Variants in CYBRD1 observed in about 807,000 individuals in gnomAD.
CYBRD1 encodes plasma membrane ascorbate-dependent reductase CYBRD1.
Under a neutral mutation model 21.9 loss-of-function variants are expected in CYBRD1, and 14 were observed. The ratio of observed to expected loss-of-function variants is 0.64; its 90% CI spans 0.42 to 1.00. The LOEUF (loss-of-function observed/expected upper bound fraction) is 1.00, where lower values mean the gene tolerates loss of function less well. CYBRD1 is among the 50% of genes least tolerant of loss of function. CYBRD1 has a pLI of 0.00. For synonymous variants in CYBRD1, 146 were observed against 136.5 expected (o/e 1.07, Z -0.48); for missense variants, 328 against 352.5 (o/e 0.93, Z 0.56).
chr2:171,555,790 C>G lies in CYBRD1; in HGVS notation c.*963C>G, dbSNP rs1683475049. 1 of 152,184 alleles carries G rather than the reference C, an allele frequency of 6.6e-6. No individual in the cohort carries two copies. Among genetic ancestry groups the G allele is most frequent in the African/African-American group, 2.4e-5 (1 of 41,430 alleles). The allele number at this position is 152,184 out of a possible 1,614,324, so 9.4% of individuals were successfully genotyped here. On this transcript the variant is annotated 3_prime_UTR_variant, in exon 4 of 4. Transcript: ENST00000321348. ...CATTTTACAGGTGAGAGATTTGAAG[C>G]CTGGGGAGGCTAGTAACTCACCCCA...
Position 171,553,510 on chromosome 2 carries a change from A to G in CYBRD1, c.557+10A>G. ...AACTGATTTTTTCCCTGTAAGTTGC[A>G]TAGTCTTCTTAATTGTAATACTTAA... On this transcript the variant is annotated intron_variant, in intron 3 of 3. Transcript: ENST00000321348. 1 of 1,610,010 alleles carries G rather than the reference A, an allele frequency of 6.2e-7. No individual in the cohort carries two copies. The highest frequency in any genetic ancestry group is 8.5e-7 in the Non-Finnish European group (1 of 1,177,658).
chr2:171,542,321 A>G (rs564308165), intron 2 of CYBRD1, among the ~76,000 whole-genome samples: 5 of 152,252 alleles, frequency 3.3e-5, no homozygotes, highest in African/African-American at 1.2e-4. Context: ...CTAAAAACCA[A>G]CTTATACTCT....
At position 171,539,572 on chromosome 2, in the gene CYBRD1, A is replaced by T. The variant is rs181825623; in HGVS notation, c.194-2013A>T. Among the ~76,000 whole-genome samples, 16 of 152,262 alleles carry T rather than the reference A, an allele frequency of 1.1e-4. No homozygotes were observed. In the East Asian group the frequency reaches 3.1e-3, roughly 29 times the overall value. On this transcript the variant is annotated intron_variant, in intron 1 of 3. Coordinates refer to ENST00000321348, the MANE Select transcript of CYBRD1 (RefSeq NM_024843.4). ...TTTTCAATCTGCCACACATTTCCAG[A>T]TATCTAAATTTTCCCTGACACAGAC... is the stretch of plus-strand genomic sequence containing the variant.
Position 171,533,990 on chromosome 2 carries a change from G to A in CYBRD1, c.194-7595G>A, listed in dbSNP as rs192383686. On this transcript the variant is annotated intron_variant, in intron 1 of 3. Coordinates refer to ENST00000321348, the MANE Select transcript of CYBRD1 (RefSeq NM_024843.4). Reference sequence around the variant, plus strand: ...CAAAGTTCTGGGATTACAGGCGTGAGCCACCACACCCAGCCGACATTTTCT... The same window carrying A: ...CAAAGTTCTGGGATTACAGGCGTGAACCACCACACCCAGCCGACATTTTCT... Among the ~76,000 whole-genome samples, 627 of 152,220 alleles carry A rather than the reference G, an allele frequency of 4.1e-3. 3 individuals are homozygous for A. Among genetic ancestry groups the A allele is most frequent in the Non-Finnish European group, 6.0e-3 (406 of 68,022 alleles).
chr2:171,522,383 G>A (rs3731976), upstream of CYBRD1: 606,227 of 1,492,180 alleles, frequency 0.41, 126,752 homozygotes, highest in East Asian at 0.72. The surrounding 1 kb of genome is among the most constrained non-coding windows in gnomAD (Gnocchi z 4.3). Context: ...CCACCCCCAA[G>A]AGGCCCCACA....
intron 2 of CYBRD1, among the ~76,000 whole-genome samples, chr2:171,545,052 T>C (rs1212282468): frequency 6.6e-6 from 1 of 151,316 alleles, no homozygotes; most frequent in Non-Finnish European, 1.5e-5. Flanking sequence ...GATAGGAGGA[T>C]TGCTTAAGCC....
chr2:171,541,100 G>T (rs1010990399), intron 1 of CYBRD1: 1 of 185,112 alleles, frequency 5.4e-6, no homozygotes, highest in African/African-American at 2.4e-5. Flanking sequence ...GAGACAACAG[G>T]CATAAATCAG....
In CYBRD1 at chr2:171,541,709, G is replaced by A. The variant is rs1382373887; in HGVS notation, c.318G>A (p.Glu106=). The part of the protein sequence containing the change: ...LAIISVVAVF[E]NHNVNNIANM... ...TTATCTCTGTGGTGGCCGTGTTTGA[G>A]AACCACAATGTTAACAATATAGCCA... The change falls in exon 2 of 4, where the codon GAG becomes GAA. Residue 106 remains glutamate, a synonymous_variant. Transcript: ENST00000321348. 1.2e-6 allele frequency: 2 copies of A among 1,613,112 alleles called. No individual in the cohort carries two copies. Among genetic ancestry groups the A allele is most frequent in the Non-Finnish European group, 1.7e-6 (2 of 1,179,862 alleles).
intron 2 of CYBRD1, chr2:171,550,981 G>C: frequency 8.8e-6 from 2 of 227,450 alleles, no homozygotes. Context: ...TTCTTAGACA[G>C]GGTCTCACTC....
Position 171,522,955 on chromosome 2 carries a change from C to G in CYBRD1, c.193+217C>G. 2 of 675,088 alleles carry G rather than the reference C, an allele frequency of 3.0e-6. No individual in the cohort carries two copies. Among genetic ancestry groups the G allele is most frequent in the Non-Finnish European group, 4.6e-6 (2 of 432,312 alleles). 41.8% of individuals were successfully genotyped at this position (675,088 alleles called of 1,614,324 possible). Reference sequence around the variant, plus strand: ...GAGCTGCGGTTCAGGAGGATCGCCGCGAGCGCGGGGCCGGGGGTGCGCGGT... The same window carrying G: ...GAGCTGCGGTTCAGGAGGATCGCCGGGAGCGCGGGGCCGGGGGTGCGCGGT... On this transcript the variant is annotated intron_variant, in intron 1 of 3. Coordinates refer to ENST00000321348, the MANE Select transcript of CYBRD1 (RefSeq NM_024843.4). The surrounding 1 kb of genome is among the most constrained non-coding windows in gnomAD (Gnocchi z 4.3).
At chr2:171,552,687 T>C (rs1683399696) in intron 2 of CYBRD1, among the ~76,000 whole-genome samples, 1 of 152,236 alleles carries the variant, frequency 6.6e-6, no homozygotes, top group African/African-American at 2.4e-5. Flanking sequence ...CTTCAGTTTA[T>C]ATAGGAACCT....
At chr2:171,523,966 A>C (rs1697349156) in intron 1 of CYBRD1, among the ~76,000 whole-genome samples, 1 of 152,248 alleles carries the variant, frequency 6.6e-6, no homozygotes, top group Non-Finnish European at 1.5e-5. Context: ...GCCTGCGGGC[A>C]GGCTGCCTTT....
chr2:171,540,495 T>C (rs372257323), intron 1 of CYBRD1, among the ~76,000 whole-genome samples: 7 of 152,208 alleles, frequency 4.6e-5, no homozygotes, highest in African/African-American at 1.7e-4. Context: ...TTTTGGCATA[T>C]ACCCGAGAGT....
At chr2:171,542,332 G>C (rs1697647373) in intron 2 of CYBRD1, among the ~76,000 whole-genome samples, 1 of 152,014 alleles carries the variant, frequency 6.6e-6, no homozygotes, top group Non-Finnish European at 1.5e-5. Context: ...CTTATACTCT[G>C]CTCTATATCT....
At chr2:171,530,631 A>G (rs1220122407) in intron 1 of CYBRD1, among the ~76,000 whole-genome samples, 1 of 152,200 alleles carries the variant, frequency 6.6e-6, no homozygotes, top group Non-Finnish European at 1.5e-5. Context: ...TGAGGATGCC[A>G]GTTCAAGGTT....
chr2:171,532,874 G>GGT (rs1697488640), intron 1 of CYBRD1, among the ~76,000 whole-genome samples: 1 of 90,358 alleles, frequency 1.1e-5, no homozygotes, highest in Non-Finnish European at 2.2e-5. Flanking sequence ...ACCATTTCAC[G>GGT]ATGTGTGTGT....
intron 2 of CYBRD1, among the ~76,000 whole-genome samples, chr2:171,546,818 G>C (rs1697723196): frequency 6.6e-6 from 1 of 152,124 alleles, no homozygotes; most frequent in East Asian, 1.9e-4. Context: ...AGTCTTCTAG[G>C]TGGATGGAAT....
chr2:171,537,215 GA>G (rs1429343415), intron 1 of CYBRD1, among the ~76,000 whole-genome samples: 3 of 152,148 alleles, frequency 2.0e-5, no homozygotes, highest in Admixed American at 1.3e-4. Context: ...AGGCAAGGGG[GA>G]GATGTGTTAT....
intron 2 of CYBRD1, among the ~76,000 whole-genome samples, chr2:171,544,792 G>A (rs2105341669): frequency 6.6e-6 from 1 of 152,244 alleles, no homozygotes; most frequent in African/African-American, 2.4e-5. Flanking sequence ...AAGTACTGAA[G>A]TATGTAGAAG....
Sources: allele counts gnomAD v4.1 joint callset (sites outside exome capture counted in the v4.1 genomes callset), GRCh38; gene constraint gnomAD v4.1.1; non-coding constraint Gnocchi (gnomAD v3.1); transcripts MANE v1.5; gene names NCBI Gene and HGNC (gene_info 2026-07-23, HGNC 2026-07-21).